ZNF629: variants seen among roughly 807,000 people sequenced by gnomAD.
ZNF629 encodes DNA-binding protein.
A neutral mutation model predicts 59.7 loss-of-function variants in ZNF629; 9 were observed. That is an observed-to-expected ratio of 0.15 (90% CI 0.09 to 0.26). The LOEUF (loss-of-function observed/expected upper bound fraction) is 0.26. Among genes scored for constraint, ZNF629 ranks in the 10% least tolerant of loss-of-function variants. The pLI, the probability that ZNF629 is intolerant of heterozygous loss-of-function variation, is 1.00. For missense variants in ZNF629, 853 were observed against 1,165.4 expected (o/e 0.73, Z 3.90); for synonymous variants, 509 against 498.9 (o/e 1.02, Z -0.27).
chr16:30,782,469 G>C lies in ZNF629; in HGVS notation c.1859C>G (p.Pro620Arg). ...KPPQLRSPRL[P>R]FRGNSYPGAA... Reference sequence around the variant, plus strand: ...CCCGGGGTAGGAATTCCCTCTGAAAGGGAGCCTTGGGGATCGTAACTGAGG... The same window carrying C: ...CCCGGGGTAGGAATTCCCTCTGAAACGGAGCCTTGGGGATCGTAACTGAGG... The change falls in exon 3 of 3, where the codon CCT becomes CGT. Residue 620 changes from proline to arginine, a missense_variant. This residue lies in a region of ZNF629 where 420 missense variants were observed against 435.6 expected (regional missense o/e 0.96). Transcript: ENST00000262525. 2 of 1,567,274 alleles carry C rather than the reference G, an allele frequency of 1.3e-6. No individual in the cohort carries two copies. Among genetic ancestry groups the C allele is most frequent in the Non-Finnish European group, 1.7e-6 (2 of 1,155,540 alleles).
rs979625449 is a variant in ZNF629, at chr16:30,781,773, G to T, written c.2555C>A (p.Thr852Lys). Residue 852 changes from threonine (T) to lysine (K), a missense_variant, in exon 3 of 3, where the codon ACA (threonine) becomes AAA (lysine). Transcript: ENST00000262525. ...YLCPECGAGF[T>K]EVAALLLHRS... ...ATGGAGCAGGAGGGCTGCGACTTCT[G>T]TGAAGCCGGCTCCACACTCGGGGCA... The T allele has an allele frequency of 2.5e-6, 4 of 1,612,686 alleles. No homozygotes were observed. The Admixed American group carries it at 6.7e-5, about 27-fold the overall frequency.
Position 30,784,493 on chromosome 16 carries a change from A to G in ZNF629, c.-11T>C, listed in dbSNP as rs1365466160. 2 of 1,539,810 alleles carry G rather than the reference A, an allele frequency of 1.3e-6. No individual in the cohort carries two copies. The highest frequency in any genetic ancestry group is 4.0e-5 in the Admixed American group (2 of 50,270). On this transcript the variant is annotated 5_prime_UTR_variant, in exon 2 of 3. Coordinates refer to ENST00000262525, the MANE Select transcript of ZNF629 (RefSeq NM_001080417.3). ...AGTCTCGGGCTCCATCCCAGAGCTC[A>G]GGACTGCAGTGTTCCAGGGACCCTG...
chr16:30,784,185 T>A lies in ZNF629; in HGVS notation c.143A>T (p.Asp48Val). ...CTTGGATTCTGGACTCTGAGCCGGG[T>A]CTCCCATGATGATCTCCTCCCCAGA... Reference protein sequence around the residue: ...ESSGEEIIMGDPAQSPESKDS... With the variant: ...ESSGEEIIMGVPAQSPESKDS... Residue 48 changes from aspartate (D) to valine (V), a missense_variant, in exon 3 of 3, where the codon GAC becomes GTC. Around this residue, in one of 3 missense-constraint regions of ZNF629, gnomAD observed 232 missense variants for 193.4 expected, o/e 1.20. Transcript: ENST00000262525. 6.2e-7 allele frequency: 1 copy of A among 1,609,114 alleles called. No individual in the cohort carries two copies. The highest frequency in any genetic ancestry group is 1.1e-5 in the South Asian group (1 of 90,422).
rs544777987 is a variant in ZNF629 at position 30,782,485 on chromosome 16, G to T, written c.1843C>A (p.Arg615=). The T allele has an allele frequency of 1.7e-5, 26 of 1,567,268 alleles. No individual in the cohort carries two copies. In the South Asian group the frequency reaches 2.1e-4, roughly 13 times the overall value. The stretch of plus-strand genomic sequence containing the variant: ...CCTCTGAAAGGGAGCCTTGGGGATC[G>T]TAACTGAGGAGGTTTGGGGGCTGCG... ...AHAAPKPPQL[R]SPRLPFRGNS... The change falls in exon 3 of 3, where the codon CGA becomes AGA. Residue 615 remains arginine (R), a synonymous_variant. Transcript: ENST00000262525.
Position 30,779,697 on chromosome 16 carries a change from C to T in ZNF629, c.*2021G>A, listed in dbSNP as rs1169967111. 4 of 152,092 alleles carry T rather than the reference C, an allele frequency of 2.6e-5. No individual in the cohort carries two copies. Among genetic ancestry groups the T allele is most frequent in the Non-Finnish European group, 5.9e-5 (4 of 68,024 alleles). The allele number at this position is 152,092 out of a possible 1,614,324, so 9.4% of individuals were successfully genotyped here. Reference sequence around the variant, plus strand: ...TGCTGGGGCCAGGATAGACAAATGGCGAAGGATTTGCATAAAGGTTGTGTG... The same window carrying T: ...TGCTGGGGCCAGGATAGACAAATGGTGAAGGATTTGCATAAAGGTTGTGTG... On this transcript the variant is annotated 3_prime_UTR_variant, in exon 3 of 3. Coordinates refer to ENST00000262525, the MANE Select transcript of ZNF629 (RefSeq NM_001080417.3).
intron 2 of ZNF629, 47 bp downstream of exon 2, chr16:30,784,363 G>C: frequency 6.5e-7 from 1 of 1,545,662 alleles, no homozygotes; most frequent in Non-Finnish European, 8.7e-7. Flanking sequence ...TCCCTGAGCC[G>C]GGACCACCGT....
Position 30,783,476 on chromosome 16 carries a change from G to A in ZNF629, c.852C>T (p.His284=), listed in dbSNP as rs753252025. 1 of 1,614,206 alleles carries A rather than the reference G, an allele frequency of 6.2e-7. No individual in the cohort carries two copies. The highest frequency in any genetic ancestry group is 1.7e-5 in the Admixed American group (1 of 60,034). The change falls in exon 3 of 3, where the codon CAC becomes CAT. Residue 284 remains histidine (H), a synonymous_variant. Coordinates refer to ENST00000262525, the MANE Select transcript of ZNF629 (RefSeq NM_001080417.3). ...GGCACTTGTAGGGTTTCTCGCCTGT[G>A]TGGGTGGCCTGGTGCTGGATGAGGT... ...SSDLIQHQAT[H]TGEKPYKCPE...
At position 30,782,447 on chromosome 16, in the gene ZNF629, G is replaced by A. The variant is rs764479838; in HGVS notation, c.1881C>T (p.Pro627=). The A allele has an allele frequency of 1.1e-5, 17 of 1,566,724 alleles. No individual in the cohort carries two copies. The highest frequency in any genetic ancestry group is 2.3e-5 in the South Asian group (2 of 85,514). The part of the protein sequence containing the change: ...PRLPFRGNSY[P]GAAEGRAEAP... ...CCTCCGCTCTGCCCTCCGCAGCCCCGGGGTAGGAATTCCCTCTGAAAGGGA... is the reference window on the plus strand; with the variant it reads ...CCTCCGCTCTGCCCTCCGCAGCCCCAGGGTAGGAATTCCCTCTGAAAGGGA... Residue 627 remains proline, a synonymous_variant, in exon 3 of 3, where the codon CCC becomes CCT. Coordinates refer to ENST00000262525, the MANE Select transcript of ZNF629 (RefSeq NM_001080417.3).
chr16:30,782,524 C>G lies in ZNF629; in HGVS notation c.1804G>C (p.Gly602Arg), dbSNP rs200098854. The G allele has an allele frequency of 1.3e-6, 2 of 1,562,470 alleles. No individual in the cohort carries two copies. Among genetic ancestry groups the G allele is most frequent in the South Asian group, 2.3e-5 (2 of 85,138 alleles). ...TTGGGGGCTGCGTGTGCGATGAGGCCGTCTGCATTTTTGTAGGGGTTTTCT... is the reference window on the plus strand; with the variant it reads ...TTGGGGGCTGCGTGTGCGATGAGGCGGTCTGCATTTTTGTAGGGGTTTTCT... ...IGENPYKNAD[G>R]LIAHAAPKPP... The change falls in exon 3 of 3, where the codon GGC becomes CGC. Residue 602 changes from glycine (G) to arginine (R), a missense_variant. By Grantham distance (125) the Gly-to-Arg change is moderately radical. Around this residue, in one of 3 missense-constraint regions of ZNF629, gnomAD observed 420 missense variants for 435.6 expected, o/e 0.96. Coordinates refer to ENST00000262525, the MANE Select transcript of ZNF629 (RefSeq NM_001080417.3).
In ZNF629 at chr16:30,786,620, C is replaced by A. The variant is rs1014770348; in HGVS notation, c.-34+408G>T. Among the ~76,000 whole-genome samples the A allele has an allele frequency of 2.7e-5, 4 of 150,918 alleles. No homozygotes were observed. The highest frequency in any genetic ancestry group is 2.6e-4 in the Admixed American group (4 of 15,204). ...GCGGGAATGCGGCCGCCCGGCCCGG[C>A]CCCCCCACCGCTTGGCTCCGGACTT... On this transcript the variant is annotated intron_variant, in intron 1 of 2. Coordinates refer to ENST00000262525, the MANE Select transcript of ZNF629 (RefSeq NM_001080417.3). This position sits in a 1 kb window ranked among gnomAD's most constrained non-coding sequence, Gnocchi z 4.8.
rs574235755 is a variant in ZNF629 at position 30,784,003 on chromosome 16, C to A, written c.325G>T (p.Ala109Ser). ...CCCCACTGCCAGCTGGCCTCGCAGGCCTTGGTCCAGTCAGATGGGGTAGGG... is the reference window on the plus strand; with the variant it reads ...CCCCACTGCCAGCTGGCCTCGCAGGACTTGGTCCAGTCAGATGGGGTAGGG... The part of the protein sequence containing the change: ...VVPTPSDWTK[A>S]CEASWQWGAL... The change falls in exon 3 of 3, where the codon GCC becomes TCC. Residue 109 changes from alanine to serine, a missense_variant. Coordinates refer to ENST00000262525, the MANE Select transcript of ZNF629 (RefSeq NM_001080417.3). The A allele has an allele frequency of 5.1e-6, 8 of 1,574,576 alleles. No individual in the cohort carries two copies. Among genetic ancestry groups the A allele is most frequent in the Non-Finnish European group, 6.9e-6 (8 of 1,161,068 alleles).
At position 30,782,019 on chromosome 16, in the gene ZNF629, C is replaced by T. The variant is rs1453709303; in HGVS notation, c.2309G>A (p.Cys770Tyr). The stretch of plus-strand genomic sequence containing the variant: ...GAGGAAGGAGGCCCTGCAATCTGAG[C>T]AGCGGTAGGGTCTGGCCCCCAGGGG... ...RSPLGARPYR[C>Y]SDCRASFLDR... is the part of the protein sequence containing the mutation. The change falls in exon 3 of 3, where the codon TGC becomes TAC. Residue 770 changes from cysteine (C) to tyrosine (Y), a missense_variant. Coordinates refer to ENST00000262525, the MANE Select transcript of ZNF629 (RefSeq NM_001080417.3). 4 of 1,574,176 alleles carry T rather than the reference C, an allele frequency of 2.5e-6. No homozygotes were observed. The highest frequency in any genetic ancestry group is 3.4e-6 in the Non-Finnish European group (4 of 1,160,070).
Position 30,783,950 on chromosome 16 carries a change from TG to T in ZNF629, c.377del (p.Pro126GlnfsTer208). On this transcript the variant is annotated frameshift_variant, in exon 3 of 3. Coordinates refer to ENST00000262525, the MANE Select transcript of ZNF629 (RefSeq NM_001080417.3). LOFTEE classifies it high-confidence loss of function. The part of the protein sequence containing the change: ...WGALTTWNSP[P>X]VVPANEPSLR... ...GGCTGGGCTCGTTGGCGGGGACGAC[TG>T]GGGGGCTGTTCCATGTGGTGAGAGC... 1.3e-6 allele frequency: 2 copies of T among 1,587,968 alleles called. No homozygotes were observed. The highest frequency in any genetic ancestry group is 8.6e-7 in the Non-Finnish European group (1 of 1,166,982).
At position 30,781,766 on chromosome 16, in the gene ZNF629, G is replaced by A. The variant is rs761012196; in HGVS notation, c.2562C>T (p.Val854=). Residue 854 remains valine (V), a synonymous_variant, in exon 3 of 3, where the codon GTC becomes GTT. Transcript: ENST00000262525. ...AGCTCCTATGGAGCAGGAGGGCTGCGACTTCTGTGAAGCCGGCTCCACACT... is the reference window on the plus strand; with the variant it reads ...AGCTCCTATGGAGCAGGAGGGCTGCAACTTCTGTGAAGCCGGCTCCACACT... ...CPECGAGFTE[V]AALLLHRSCH... 2.5e-6 allele frequency: 4 copies of A among 1,612,722 alleles called. No individual in the cohort carries two copies. Among genetic ancestry groups the A allele is most frequent in the Admixed American group, 3.3e-5 (2 of 59,814 alleles).
chr16:30,783,417 T>C lies in ZNF629; in HGVS notation c.911A>G (p.Asn304Ser). The change falls in exon 3 of 3, where the codon AAC (asparagine) becomes AGC (serine). Residue 304 changes from asparagine (N) to serine (S), a missense_variant. Asn to Ser is a conservative substitution (Grantham distance 46, BLOSUM62 1). This residue lies in a region of ZNF629 where 201 missense variants were observed against 536.5 expected (regional missense o/e 0.37). Transcript: ENST00000262525. ...GTGGATCTTCTGGTGCTTGAGGAGGTTGTGGTTCTGGCCGAAGCGCTTCCC... is the reference window on the plus strand; with the variant it reads ...GTGGATCTTCTGGTGCTTGAGGAGGCTGTGGTTCTGGCCGAAGCGCTTCCC... The part of the protein sequence containing the change: ...ECGKRFGQNH[N>S]LLKHQKIHAG... 1.2e-6 allele frequency: 2 copies of C among 1,612,456 alleles called. No individual in the cohort carries two copies. The highest frequency in any genetic ancestry group is 1.7e-6 in the Non-Finnish European group (2 of 1,179,614).
At position 30,783,950 on chromosome 16, in the gene ZNF629, T is replaced by G; in HGVS notation, c.378A>C (p.Pro126=). Reference sequence around the variant, plus strand: ...GGCTGGGCTCGTTGGCGGGGACGACTGGGGGGCTGTTCCATGTGGTGAGAG... The same window carrying G: ...GGCTGGGCTCGTTGGCGGGGACGACGGGGGGGCTGTTCCATGTGGTGAGAG... ...WGALTTWNSP[P]VVPANEPSLR... is the part of the protein sequence containing the mutation. Residue 126 remains proline (P), a synonymous_variant, in exon 3 of 3, where the codon CCA becomes CCC. Transcript: ENST00000262525. The G allele has an allele frequency of 6.3e-7, 1 of 1,587,988 alleles. No homozygotes were observed. The highest frequency in any genetic ancestry group is 1.1e-5 in the South Asian group (1 of 87,872).
At position 30,784,014 on chromosome 16, in the gene ZNF629, T is replaced by G. The variant is rs761261287; in HGVS notation, c.314A>C (p.Asp105Ala). The change falls in exon 3 of 3, where the codon GAC becomes GCC. Residue 105 changes from aspartate (D) to alanine (A), a missense_variant. This residue lies in a region of ZNF629 where 232 missense variants were observed against 193.4 expected (regional missense o/e 1.20). Transcript: ENST00000262525. ...GCTGGCCTCGCAGGCCTTGGTCCAG[T>G]CAGATGGGGTAGGGACTACCTCCGG... is the stretch of plus-strand genomic sequence containing the variant. ...PAPEVVPTPSDWTKACEASWQ... is the reference protein window; with the variant it reads ...PAPEVVPTPSAWTKACEASWQ... The G allele has an allele frequency of 3.8e-6, 6 of 1,573,768 alleles. No homozygotes were observed. The South Asian group carries it at 4.7e-5, about 12-fold the overall frequency.
chr16:30,784,266 A>C lies in ZNF629; in HGVS notation c.74-12T>G. On this transcript the variant is annotated splice_polypyrimidine_tract_variant and intron_variant, in intron 2 of 2. Coordinates refer to ENST00000262525, the MANE Select transcript of ZNF629 (RefSeq NM_001080417.3). ...TTCACTCTCGGCACCTACAGAAAGA[A>C]AGGGAGTCTACAGCCCCCAGCCCCT... The C allele has an allele frequency of 1.3e-6, 2 of 1,588,586 alleles. No homozygotes were observed. The highest frequency in any genetic ancestry group is 8.5e-7 in the Non-Finnish European group (1 of 1,172,436).
chr16:30,784,500 C>T lies in ZNF629; in HGVS notation c.-18G>A. 1 of 1,531,000 alleles carries T rather than the reference C, an allele frequency of 6.5e-7. No individual in the cohort carries two copies. Among genetic ancestry groups the T allele is most frequent in the South Asian group, 1.2e-5 (1 of 83,230 alleles). The allele number at this position is 1,531,000 out of a possible 1,614,324, so 94.8% of individuals were successfully genotyped here. A position where few individuals can be genotyped will look rare whatever the true frequency, so the allele number is the denominator to read the frequency against. ...GGCTCCATCCCAGAGCTCAGGACTG[C>T]AGTGTTCCAGGGACCCTGCGGGGGA... On this transcript the variant is annotated 5_prime_UTR_variant, in exon 2 of 3. Coordinates refer to ENST00000262525, the MANE Select transcript of ZNF629 (RefSeq NM_001080417.3).
Sources: gnomAD v4.1 joint callset for allele counts (sites outside exome capture counted in the v4.1 genomes callset) on GRCh38, gnomAD v4.1.1 for gene constraint, gnomAD v4.1.1 regional missense constraint, Gnocchi (gnomAD v3.1) non-coding constraint, MANE v1.5 for transcripts, NCBI Gene and HGNC (gene_info 2026-07-23, HGNC 2026-07-21) for gene names.